The following XPNPEP1 variants were observed in gnomAD, a reference collection of about 807,000 sequenced individuals.
XPNPEP1 encodes X-prolyl aminopeptidase 1.
In XPNPEP1, 39 loss-of-function variants were observed where a neutral mutation model predicts 92.4. That is an observed-to-expected ratio of 0.42 (90% CI 0.33 to 0.55). The LOEUF (loss-of-function observed/expected upper bound fraction) is 0.55, where lower values mean the gene tolerates loss of function less well. XPNPEP1 is among the 20% of genes least tolerant of loss of function. XPNPEP1 has a pLI of 0.08. For synonymous variants in XPNPEP1, 307 were observed against 299.4 expected, an observed-to-expected ratio of 1.03 and a Z score of -0.26; for missense variants, 654 against 856.1, an observed-to-expected ratio of 0.76 and a Z score of 2.95.
intron 1 of XPNPEP1, among the ~76,000 whole-genome samples, chr10:109,919,979 C>A (rs923415829): frequency 6.6e-6 from 1 of 151,938 alleles, no homozygotes; most frequent in African/African-American, 2.4e-5. Flanking sequence ...CTGCAGTGAG[C>A]CAAGATCGTG....
intron 3 of XPNPEP1, among the ~76,000 whole-genome samples, chr10:109,900,237 C>A (rs1236137898): frequency 6.6e-6 from 1 of 152,146 alleles, no homozygotes; most frequent in African/African-American, 2.4e-5. Flanking sequence ...CCCTTCACTT[C>A]TCCAACACCC....
intron 14 of XPNPEP1, chr10:109,877,466 C>CAA (rs11403472): frequency 0.02 from 4,405 of 220,802 alleles, no homozygotes; most frequent in East Asian, 0.041. Context: ...ACCTTGTCTC[C>CAA]AAAAAAAAAA....
intron 10 of XPNPEP1, 137 bp from the exon 11 acceptor site, chr10:109,881,068 T>TC: frequency 1.3e-6 from 1 of 753,218 alleles, no homozygotes; most frequent in Non-Finnish European, 2.1e-6. Flanking sequence ...CATATAGCTA[T>TC]CCCCTGGGGC....
chr10:109,869,914 G>C, intron 19 of XPNPEP1, 39 bp downstream of exon 19: 1 of 1,602,392 alleles, frequency 6.2e-7, no homozygotes, highest in Non-Finnish European at 8.5e-7. Context: ...CGTGATTATT[G>C]CTAATAGAAA....
At chr10:109,869,795 T>A (rs1169894698) in intron 19 of XPNPEP1, 158 bp downstream of exon 19, 2 of 662,312 alleles carry the variant, frequency 3.0e-6, no homozygotes, top group Non-Finnish European at 5.0e-6. Flanking sequence ...CAGAATGGCA[T>A]ACTCTTGGCT....
chr10:109,903,554 C>T (rs548796650), intron 3 of XPNPEP1, among the ~76,000 whole-genome samples: 2 of 152,316 alleles, frequency 1.3e-5, no homozygotes, highest in Non-Finnish European at 2.9e-5. Context: ...ATTAAAAATG[C>T]CACTGGTGAA....
chr10:109,909,287 A>T (rs1262429481), intron 2 of XPNPEP1, among the ~76,000 whole-genome samples: 1 of 152,102 alleles, frequency 6.6e-6, no homozygotes, highest in Non-Finnish European at 1.5e-5. Flanking sequence ...ATAAATAAAT[A>T]AAGTATGGCG....
Position 109,873,476 on chromosome 10 carries a change from T to C in XPNPEP1, c.1392-49A>G, listed in dbSNP as rs369073533. 2.5e-6 allele frequency: 4 copies of C among 1,611,396 alleles called. No homozygotes were observed. In the African/African-American group the frequency reaches 4.0e-5, roughly 16 times the overall value. On this transcript the variant is annotated intron_variant, in intron 15 of 20. Coordinates refer to ENST00000502935, the MANE Select transcript of XPNPEP1 (RefSeq NM_020383.4). ...GTTTCCCGTCAAAATAAGCTTTAAG[T>C]CAAATATGACACAGGCAAGCATGTG...
intron 9 of XPNPEP1, chr10:109,883,849 T>C (rs1209063005): frequency 3.5e-5 from 17 of 484,746 alleles, no homozygotes; most frequent in Middle Eastern, 5.3e-4. Flanking sequence ...ATAGACACTT[T>C]CATGCGTTTC....
intron 13 of XPNPEP1, 23 bp downstream of exon 13, chr10:109,877,977 G>C (rs1393567987): frequency 1.2e-6 from 2 of 1,614,156 alleles, no homozygotes; most frequent in African/African-American, 2.7e-5. Context: ...GAGGCTCCTG[G>C]GTCCCCCCAA....
At chr10:109,922,500 C>T (rs1474601941) in intron 1 of XPNPEP1, among the ~76,000 whole-genome samples, 1 of 152,176 alleles carries the variant, frequency 6.6e-6, no homozygotes, top group Non-Finnish European at 1.5e-5. Flanking sequence ...GCTGTGGCAA[C>T]GGCAAATCCA....
intron 3 of XPNPEP1, chr10:109,894,209 C>T (rs1468824948): frequency 2.6e-5 from 4 of 152,206 alleles, no homozygotes; most frequent in Admixed American, 1.3e-4. Context: ...AAAAGGCCCT[C>T]ATGTTCCTTT....
intron 1 of XPNPEP1, 156 bp from the exon 2 acceptor site, chr10:109,915,255 T>C (rs1014436902): frequency 4.8e-6 from 2 of 417,544 alleles, no homozygotes; most frequent in African/African-American, 2.0e-5. Flanking sequence ...AAAAGTTTGA[T>C]GTAAAACTTG....
chr10:109,911,837 T>C (rs992318266), intron 2 of XPNPEP1, among the ~76,000 whole-genome samples: 1 of 152,220 alleles, frequency 6.6e-6, no homozygotes, highest in South Asian at 2.1e-4. Flanking sequence ...CTTTATAGAC[T>C]CTGCCTTCCA....
intron 4 of XPNPEP1, among the ~76,000 whole-genome samples, chr10:109,892,757 G>C (rs1848770066): frequency 6.6e-6 from 1 of 152,124 alleles, no homozygotes; most frequent in South Asian, 2.1e-4. Flanking sequence ...TCAATAAAAA[G>C]TTCAAAAACT....
In XPNPEP1 at chr10:109,872,495, G is replaced by C. The variant is rs191252196; in HGVS notation, c.1453-634C>G. On this transcript the variant is annotated intron_variant, in intron 16 of 20. Transcript: ENST00000502935. ...ACTAAAACTCCATGCTCCTCAGCCT[G>C]GTTGAGCTCTTTGAAAAGCACAAAA... 3.0e-3 allele frequency among the ~76,000 whole-genome samples: 458 copies of C among 152,338 alleles called. 3 individuals carry two copies. The highest frequency in any genetic ancestry group is 0.011 in the African/African-American group (440 of 41,574).
chr10:109,904,393 C>T (rs1849443813), intron 3 of XPNPEP1, among the ~76,000 whole-genome samples: 1 of 151,946 alleles, frequency 6.6e-6, no homozygotes, highest in Non-Finnish European at 1.5e-5. Context: ...CCTCTACATG[C>T]AAGACCCATC....
At chr10:109,880,323 G>A in intron 11 of XPNPEP1, 85 bp from the exon 12 acceptor site, 1 of 1,406,786 alleles carries the variant, frequency 7.1e-7, no homozygotes, top group Non-Finnish European at 1.0e-6. Context: ...GCAATACTGA[G>A]AAGGCTGTAC....
chr10:109,894,459 A>G (rs552523450), intron 3 of XPNPEP1, among the ~76,000 whole-genome samples: 1 of 151,348 alleles, frequency 6.6e-6, no homozygotes, highest in Non-Finnish European at 1.5e-5. Context: ...TGAGCCCGGG[A>G]GGTTGAGGCT....
Sources: allele counts gnomAD v4.1 joint callset (sites outside exome capture counted in the v4.1 genomes callset), GRCh38; gene constraint gnomAD v4.1.1; transcripts MANE v1.5; gene names NCBI Gene and HGNC (gene_info 2026-07-23, HGNC 2026-07-21).